The following CORIN variants were observed in gnomAD, a reference collection of about 807,000 sequenced individuals.
The protein encoded by CORIN is corin, serine peptidase, also known as atrial natriuretic peptide-converting enzyme.
A neutral mutation model predicts 125.3 loss-of-function variants in CORIN; 117 were observed. The observed-to-expected ratio is 0.93, with a 90% CI of 0.80 to 1.09. CORIN has a LOEUF of 1.09. CORIN is among the 50% of genes least tolerant of loss of function. CORIN has a pLI of 0.00. For missense variants in CORIN, 1,253 were observed against 1,306.7 expected (o/e 0.96, Z 0.63); for synonymous variants, 450 against 466.4 (o/e 0.96, Z 0.45).
chr4:47,631,230 C>G (rs1442570162), intron 16 of CORIN, among the ~76,000 whole-genome samples: 1 of 152,160 alleles, frequency 6.6e-6, no homozygotes, highest in East Asian at 1.9e-4. Flanking sequence ...CAAATGTCCC[C>G]TAGGACAGGG....
chr4:47,759,083 C>G (rs938109412), intron 4 of CORIN, among the ~76,000 whole-genome samples: 1 of 152,014 alleles, frequency 6.6e-6, no homozygotes, highest in African/African-American at 2.4e-5. Context: ...TGACAAGGTG[C>G]CAAGAACACA....
chr4:47,635,574 T>C (rs1267686498), intron 16 of CORIN, among the ~76,000 whole-genome samples: 1 of 152,168 alleles, frequency 6.6e-6, no homozygotes, highest in Admixed American at 6.5e-5. Context: ...TAAAGTTTAG[T>C]GGGCAAGTGG....
At chr4:47,741,497 A>C (rs1482019364) in intron 5 of CORIN, among the ~76,000 whole-genome samples, 1 of 152,070 alleles carries the variant, frequency 6.6e-6, no homozygotes, top group Non-Finnish European at 1.5e-5. Flanking sequence ...ATTTCCTCAA[A>C]ATGTTAAACA....
intron 5 of CORIN, among the ~76,000 whole-genome samples, chr4:47,704,617 A>T (rs1263142203): frequency 1.3e-5 from 2 of 152,112 alleles, no homozygotes; most frequent in Non-Finnish European, 2.9e-5. Flanking sequence ...ATAAAGAGGG[A>T]ACGCATTGAG....
At chr4:47,759,186 AAT>A (rs1346395944) in intron 4 of CORIN, among the ~76,000 whole-genome samples, 3 of 152,204 alleles carry the variant, frequency 2.0e-5, no homozygotes, top group Non-Finnish European at 4.4e-5. Context: ...AGAAGAATGA[AAT>A]TAGACTCTTA....
At position 47,674,309 on chromosome 4, in the gene CORIN, T is replaced by C. The variant is rs553363501; in HGVS notation, c.1357+84A>G. On this transcript the variant is annotated intron_variant, in intron 10 of 21. Transcript: ENST00000273857. The stretch of plus-strand genomic sequence containing the variant: ...GGCTTTTTTGGAGGGATTCCAGACT[T>C]CAGTATTTGAATGTCAATGCAGAAG... The C allele has an allele frequency of 3.1e-5, 30 of 965,312 alleles. No individual in the cohort carries two copies. In the Admixed American group the frequency reaches 3.6e-4, roughly 12 times the overall value. The allele number at this position is 965,312 out of a possible 1,614,324, so 59.8% of individuals were successfully genotyped here.
intron 4 of CORIN, among the ~76,000 whole-genome samples, chr4:47,760,257 G>A (rs2109865253): frequency 6.6e-6 from 1 of 152,260 alleles, no homozygotes; most frequent in Admixed American, 6.5e-5. Context: ...AGAGCTCTTG[G>A]GTGACCAGGT....
At chr4:47,782,464 C>A (rs1490370794) in intron 3 of CORIN, among the ~76,000 whole-genome samples, 2 of 150,998 alleles carry the variant, frequency 1.3e-5, no homozygotes, top group Non-Finnish European at 2.9e-5. Context: ...GACTTGAATA[C>A]CCCACTCTCA....
intron 2 of CORIN, among the ~76,000 whole-genome samples, chr4:47,789,973 G>A (rs550644926): frequency 6.6e-6 from 1 of 152,210 alleles, no homozygotes; most frequent in Admixed American, 6.5e-5. Context: ...AGTGAGCTGA[G>A]ATCGCGCCAC....
At chr4:47,746,886 T>C (rs1317657177) in intron 4 of CORIN, among the ~76,000 whole-genome samples, 3 of 152,154 alleles carry the variant, frequency 2.0e-5, no homozygotes, top group Admixed American at 6.5e-5. Flanking sequence ...ATATACGTGA[T>C]GGGTGAGATC....
At chr4:47,769,473 G>T (rs758558708) in intron 3 of CORIN, among the ~76,000 whole-genome samples, 4 of 151,932 alleles carry the variant, frequency 2.6e-5, no homozygotes, top group Non-Finnish European at 4.4e-5. Context: ...TACAGATTCA[G>T]TGCAATCCCT....
chr4:47,747,603 C>T (rs1204178521), intron 4 of CORIN, among the ~76,000 whole-genome samples: 1 of 152,086 alleles, frequency 6.6e-6, no homozygotes, highest in East Asian at 1.9e-4. Context: ...TACAGGAGGC[C>T]AGCAGACTGT....
At chr4:47,767,156 T>A (rs1387448503) in intron 3 of CORIN, among the ~76,000 whole-genome samples, 2 of 151,978 alleles carry the variant, frequency 1.3e-5, no homozygotes, top group Non-Finnish European at 2.9e-5. Flanking sequence ...ATGCAAGAAA[T>A]TTTGAAGTTT....
chr4:47,661,540 G>A lies in CORIN; in HGVS notation c.1735+171C>T, dbSNP rs2109664137. On this transcript the variant is annotated intron_variant, in intron 12 of 21. Coordinates refer to ENST00000273857, the MANE Select transcript of CORIN (RefSeq NM_006587.4). The stretch of plus-strand genomic sequence containing the variant: ...AATGAATGCAATATCTAACAGATGA[G>A]TGCCAAATTCTTCAATGCAATCAAG... The A allele has an allele frequency of 5.3e-6, 3 of 562,760 alleles. No homozygotes were observed. In the South Asian group the frequency reaches 8.8e-5, roughly 17 times the overall value. The allele number at this position is 562,760 out of a possible 1,614,324, so 34.9% of individuals were successfully genotyped here. A position where few individuals can be genotyped will look rare whatever the true frequency, so the allele number is the denominator to read the frequency against.
intron 4 of CORIN, among the ~76,000 whole-genome samples, chr4:47,762,776 G>T (rs1577901062): frequency 6.6e-6 from 1 of 152,162 alleles, no homozygotes; most frequent in Non-Finnish European, 1.5e-5. Context: ...TTGATGAGAG[G>T]CACTGGCAGA....
chr4:47,758,291 A>T (rs755171246), intron 4 of CORIN, among the ~76,000 whole-genome samples: 5 of 152,180 alleles, frequency 3.3e-5, no homozygotes, highest in Non-Finnish European at 7.3e-5. Flanking sequence ...GAAGTGAAAG[A>T]TCTCTACACA....
In CORIN at chr4:47,729,227, A is replaced by T. The variant is rs543261416; in HGVS notation, c.799+15175T>A. Among the ~76,000 whole-genome samples, 4 of 152,364 alleles carry T rather than the reference A, an allele frequency of 2.6e-5. No individual in the cohort carries two copies. In the East Asian group the frequency reaches 7.7e-4, roughly 29 times the overall value. ...GTTAGGGACTTAAAAGTATTTTTAA[A>T]GCTTCAAGTTACAGCAAAATGAAAT... is the stretch of plus-strand genomic sequence containing the variant. On this transcript the variant is annotated intron_variant, in intron 5 of 21. Coordinates refer to ENST00000273857, the MANE Select transcript of CORIN (RefSeq NM_006587.4).
chr4:47,642,962 T>C (rs1324667490), intron 15 of CORIN, 184 bp downstream of exon 15: 4 of 1,535,962 alleles, frequency 2.6e-6, no homozygotes, highest in Non-Finnish European at 3.5e-6. Flanking sequence ...AGAAGTAGCT[T>C]CGTGGGGAAA....
intron 7 of CORIN, chr4:47,683,244 A>C (rs1725367398): frequency 6.6e-6 from 1 of 152,620 alleles, no homozygotes; most frequent in Non-Finnish European, 1.5e-5. Flanking sequence ...CCATGTGTAC[A>C]CAAAACAAAT....
Sources: allele counts gnomAD v4.1 joint callset (sites outside exome capture counted in the v4.1 genomes callset), GRCh38; gene constraint gnomAD v4.1.1; transcripts MANE v1.5; gene names NCBI Gene and HGNC (gene_info 2026-07-23, HGNC 2026-07-21).